CCDC88C: variants seen among roughly 807,000 people sequenced by gnomAD.
CCDC88C encodes protein Daple.
CCDC88C carries 131 observed loss-of-function variants against 198.8 expected under a neutral mutation model. That is an observed-to-expected ratio of 0.66 (90% CI 0.57 to 0.76). CCDC88C has a LOEUF of 0.76. Among genes scored for constraint, CCDC88C ranks in the 30% least tolerant of loss-of-function variants. CCDC88C has a pLI of 0.00. For missense variants in CCDC88C, 2,553 were observed against 2,631.6 expected, an observed-to-expected ratio of 0.97 and a Z score of 0.65; for synonymous variants, 1,166 against 1,114.7, an observed-to-expected ratio of 1.05 and a Z score of -0.92.
At position 91,273,402 on chromosome 14, in the gene CCDC88C, C is replaced by A; in HGVS notation, c.5310G>T (p.Gln1770His). 2 of 1,544,486 alleles carry A rather than the reference C, an allele frequency of 1.3e-6. No homozygotes were observed. Among genetic ancestry groups the A allele is most frequent in the South Asian group, 1.2e-5 (1 of 81,516 alleles). Residue 1770 changes from glutamine (Q) to histidine (H), a missense_variant, in exon 30 of 30, where the codon CAG becomes CAT. Coordinates refer to ENST00000389857, the MANE Select transcript of CCDC88C (RefSeq NM_001080414.4). The surrounding 1 kb of genome is among the most constrained non-coding windows in gnomAD (Gnocchi z 5.6). ...AEAPPSVAPRQAQPPQSLSLG... is the reference protein window; with the variant it reads ...AEAPPSVAPRHAQPPQSLSLG... ...GAGACAGGCTCTGGGGAGGCTGGGC[C>A]TGTCTCGGGGCCACGCTGGGTGGGG... is the stretch of plus-strand genomic sequence containing the variant.
At chr14:91,359,842 A>C in intron 3 of CCDC88C, 131 bp from the exon 4 acceptor site, 3 of 756,312 alleles carry the variant, frequency 4.0e-6, no homozygotes, top group Admixed American at 4.2e-5. Context: ...GAAGGAGCTA[A>C]AATGACAGCA....
chr14:91,372,961 T>C (rs1894891344), intron 3 of CCDC88C, among the ~76,000 whole-genome samples: 1 of 152,266 alleles, frequency 6.6e-6, no homozygotes, highest in East Asian at 1.9e-4. Flanking sequence ...GCTCTCAACA[T>C]GCTCCGGGGC....
rs1894370496 is a variant in CCDC88C, at chr14:91,362,844, G to C, written c.271-3133C>G. 2.0e-5 allele frequency among the ~76,000 whole-genome samples: 3 copies of C among 152,090 alleles called. No homozygotes were observed. The South Asian group carries it at 6.2e-4, about 32-fold the overall frequency. On this transcript the variant is annotated intron_variant, in intron 3 of 29. Transcript: ENST00000389857. ...CTCAGGAGGCTGAGGCAGGAGAATGGCATGAACCCGGGAGGCGGAGGTTAC... is the reference window on the plus strand; with the variant it reads ...CTCAGGAGGCTGAGGCAGGAGAATGCCATGAACCCGGGAGGCGGAGGTTAC...
chr14:91,374,433 TAAG>T (rs1187595251), intron 3 of CCDC88C, among the ~76,000 whole-genome samples: 3 of 152,328 alleles, frequency 2.0e-5, no homozygotes, highest in East Asian at 3.9e-4. Flanking sequence ...ATGTGTGTGT[TAAG>T]AAGCAAAATA....
chr14:91,406,810 C>G (rs1358752376), intron 3 of CCDC88C, among the ~76,000 whole-genome samples: 1 of 152,222 alleles, frequency 6.6e-6, no homozygotes, highest in Admixed American at 6.5e-5. Flanking sequence ...GAGGGAGACG[C>G]CAGCAGAAAT....
intron 20 of CCDC88C, among the ~76,000 whole-genome samples, chr14:91,301,385 C>T (rs1891274984): frequency 1.3e-5 from 2 of 152,224 alleles, no homozygotes; most frequent in Admixed American, 1.3e-4. Context: ...GTCCAGACTC[C>T]ACCTGCCAAA....
intron 10 of CCDC88C, among the ~76,000 whole-genome samples, chr14:91,326,473 A>G (rs1404844727): frequency 6.6e-6 from 1 of 152,142 alleles, no homozygotes; most frequent in Non-Finnish European, 1.5e-5. Context: ...TCGGCCTCCT[A>G]AAGTTCTGGG....
At chr14:91,292,486 A>G (rs1182009961) in intron 23 of CCDC88C, among the ~76,000 whole-genome samples, 1 of 152,208 alleles carries the variant, frequency 6.6e-6, no homozygotes, top group Non-Finnish European at 1.5e-5. Flanking sequence ...CCACCCCACA[A>G]TTACAGTGTG....
At chr14:91,385,631 G>C (rs999172403) in intron 3 of CCDC88C, among the ~76,000 whole-genome samples, 2 of 152,068 alleles carry the variant, frequency 1.3e-5, no homozygotes, top group Admixed American at 6.5e-5. Flanking sequence ...GGTAGTCCAG[G>C]GTGTGCCGAA....
chr14:91,403,648 C>T (rs1027664715), intron 3 of CCDC88C, among the ~76,000 whole-genome samples: 4 of 152,246 alleles, frequency 2.6e-5, no homozygotes, highest in Admixed American at 2.0e-4. Context: ...GGCCAGACGC[C>T]GTGAGCCTTA....
chr14:91,387,312 G>T (rs940821513), intron 3 of CCDC88C, among the ~76,000 whole-genome samples: 1 of 152,174 alleles, frequency 6.6e-6, no homozygotes, highest in South Asian at 2.1e-4. Flanking sequence ...GAACCTCTAC[G>T]GGTTGTCATG....
intron 1 of CCDC88C, chr14:91,417,057 C>A: frequency 1.4e-6 from 1 of 701,968 alleles, no homozygotes; most frequent in Admixed American, 2.0e-5. Context: ...GAAAAACTTC[C>A]TCGCCACTTT....
intron 20 of CCDC88C, among the ~76,000 whole-genome samples, chr14:91,301,627 G>C (rs1891290820): frequency 1.3e-5 from 2 of 152,226 alleles, no homozygotes; most frequent in African/African-American, 4.8e-5. Flanking sequence ...TGAAGTAGGA[G>C]GATTGCTTGA....
intron 4 of CCDC88C, among the ~76,000 whole-genome samples, chr14:91,344,908 C>T (rs1387108438): frequency 1.3e-5 from 2 of 150,524 alleles, no homozygotes; most frequent in Non-Finnish European, 1.5e-5. Flanking sequence ...GTGATCCTTC[C>T]ACCTCAGCCT....
At position 91,371,687 on chromosome 14, in the gene CCDC88C, C is replaced by A. The variant is rs2139929265; in HGVS notation, c.271-11976G>T. Among the ~76,000 whole-genome samples, 1 of 152,306 alleles carries A rather than the reference C, an allele frequency of 6.6e-6. No individual in the cohort carries two copies. The highest frequency in any genetic ancestry group is 3.4e-3 in the Middle Eastern group (1 of 294). ...AGCAGAAGCAAGGCCTTCCTCGTCC[C>A]AGCAAGTAGCTGGGCTGGGGGAACG... On this transcript the variant is annotated intron_variant, in intron 3 of 29. Transcript: ENST00000389857. This position sits in a 1 kb window ranked among gnomAD's most constrained non-coding sequence, Gnocchi z 4.2.
intron 15 of CCDC88C, among the ~76,000 whole-genome samples, chr14:91,311,720 A>G (rs1255785390): frequency 6.6e-6 from 1 of 152,230 alleles, no homozygotes; most frequent in African/African-American, 2.4e-5. Context: ...CCAGCATACT[A>G]AACAAATGCC....
In CCDC88C at chr14:91,339,448, G is replaced by A; in HGVS notation, c.639C>T (p.Leu213=). The change falls in exon 8 of 30, where the codon CTC becomes CTT. Residue 213 remains leucine (L), a synonymous_variant. Transcript: ENST00000389857. This position sits in a 1 kb window ranked among gnomAD's most constrained non-coding sequence, Gnocchi z 5.8. ...RDECTELIVD[L]TQERDYLQAQ... Reference sequence around the variant, plus strand: ...CCTGCAGGTAGTCCCGTTCCTGAGTGAGGTCCACGATCAGCTGCAGCCGGG... The same window carrying A: ...CCTGCAGGTAGTCCCGTTCCTGAGTAAGGTCCACGATCAGCTGCAGCCGGG... 2 of 1,605,944 alleles carry A rather than the reference G, an allele frequency of 1.2e-6. No homozygotes were observed.
chr14:91,409,295 C>T (rs144990557), intron 2 of CCDC88C, among the ~76,000 whole-genome samples: 1 of 151,664 alleles, frequency 6.6e-6, no homozygotes, highest in South Asian at 2.1e-4. Context: ...CTCAAGGGAT[C>T]TTCCTGTCTC....
At chr14:91,315,838 A>G in intron 13 of CCDC88C, 51 bp from the exon 14 acceptor site, 1 of 1,580,852 alleles carries the variant, frequency 6.3e-7, no homozygotes, top group Non-Finnish European at 8.6e-7. Context: ...CTACGAAGTG[A>G]ACCATGATTT....
Sources: allele counts gnomAD v4.1 joint callset (sites outside exome capture counted in the v4.1 genomes callset), GRCh38; gene constraint gnomAD v4.1.1; non-coding constraint Gnocchi (gnomAD v3.1); transcripts MANE v1.5; gene names NCBI Gene and HGNC (gene_info 2026-07-23, HGNC 2026-07-21).